The following MED13L variants were observed in gnomAD, a reference collection of about 807,000 sequenced individuals.
MED13L encodes mediator complex subunit 13L, also known as mediator of RNA polymerase II transcription subunit 13-like.
A neutral mutation model predicts 220.9 loss-of-function variants in MED13L; 7 were observed. The ratio of observed to expected loss-of-function variants is 0.03; its 90% CI spans 0.02 to 0.06. The LOEUF is 0.06. Ranked by LOEUF, MED13L falls within the 10% of genes least tolerant of loss-of-function variation. The probability of loss-of-function intolerance (pLI) is 1.00; values close to 1 mark genes in which losing one functional copy is unlikely to be tolerated. For missense variants in MED13L, 1,965 were observed against 2,760.5 expected (o/e 0.71, Z 6.46); for synonymous variants, 1,011 against 1,015.2 (o/e 1.00, Z 0.08).
chr12:116,184,300 G>C (rs1880736416), intron 2 of MED13L, among the ~76,000 whole-genome samples: 1 of 151,976 alleles, frequency 6.6e-6, no homozygotes, highest in Admixed American at 6.6e-5. Context: ...GAAAGCAGAA[G>C]TAAACTAGCA....
At chr12:116,064,498 G>C (rs1015623546) in intron 4 of MED13L, among the ~76,000 whole-genome samples, 1 of 152,106 alleles carries the variant, frequency 6.6e-6, no homozygotes, top group Admixed American at 6.5e-5. Context: ...AAGTTTCTCT[G>C]TTCCTAAAAA....
intron 2 of MED13L, among the ~76,000 whole-genome samples, chr12:116,182,229 C>T (rs1880577931): frequency 6.6e-6 from 1 of 152,172 alleles, no homozygotes; most frequent in Non-Finnish European, 1.5e-5. Flanking sequence ...AACCCAAACC[C>T]ATTCAAACTG....
chr12:116,271,232 C>T (rs2138592560), intron 1 of MED13L, among the ~76,000 whole-genome samples: 1 of 151,700 alleles, frequency 6.6e-6, no homozygotes, highest in South Asian at 2.1e-4. Context: ...AGTGTGTGCG[C>T]TAGAATACTA....
intron 16 of MED13L, among the ~76,000 whole-genome samples, chr12:115,996,152 G>C (rs542013224): frequency 6.6e-6 from 1 of 151,860 alleles, no homozygotes. Flanking sequence ...GGGCAGTGGC[G>C]CGATCTTGGC....
intron 4 of MED13L, among the ~76,000 whole-genome samples, chr12:116,073,804 C>T (rs556777959): frequency 6.0e-4 from 92 of 152,242 alleles, no homozygotes; most frequent in Non-Finnish European, 1.1e-3. Context: ...TATTATCTTC[C>T]GTTTCCTAAA....
intron 4 of MED13L, among the ~76,000 whole-genome samples, chr12:116,060,706 A>T (rs977737946): frequency 1.3e-5 from 2 of 152,226 alleles, no homozygotes; most frequent in African/African-American, 4.8e-5. Context: ...AAATTGGAGA[A>T]ATATTTTAAG....
rs79543338 is a variant in MED13L at position 116,206,855 on chromosome 12, C to T, written c.310+30613G>A. On this transcript the variant is annotated intron_variant, in intron 2 of 30. Coordinates refer to ENST00000281928, the MANE Select transcript of MED13L (RefSeq NM_015335.5). ...TTGTAGATTTGACTTTGGAACTACACTTCATAATTATAAAATGATTAACTT... is the reference window on the plus strand; with the variant it reads ...TTGTAGATTTGACTTTGGAACTACATTTCATAATTATAAAATGATTAACTT... 4.6e-5 allele frequency among the ~76,000 whole-genome samples: 7 copies of T among 152,260 alleles called. No homozygotes were observed. In the East Asian group the frequency reaches 1.3e-3, roughly 29 times the overall value.
At chr12:116,083,464 G>C (rs1871376796) in intron 4 of MED13L, among the ~76,000 whole-genome samples, 1 of 150,998 alleles carries the variant, frequency 6.6e-6, no homozygotes. Context: ...CCCTACTCAG[G>C]GTTTAGAAAC....
chr12:116,073,780 A>G (rs1870571051), intron 4 of MED13L, among the ~76,000 whole-genome samples: 2 of 152,198 alleles, frequency 1.3e-5, no homozygotes, highest in Admixed American at 1.3e-4. Context: ...TTACACCTCT[A>G]GTAGGAGGGA....
chr12:116,060,028 C>T (rs1566036227), intron 4 of MED13L, among the ~76,000 whole-genome samples: 1 of 151,872 alleles, frequency 6.6e-6, no homozygotes, highest in Non-Finnish European at 1.5e-5. Context: ...CACTGCAGGG[C>T]AAAAAAACCC....
At position 115,986,259 on chromosome 12, in the gene MED13L, T is replaced by G. The variant is rs1198459712; in HGVS notation, c.4338+7A>C. 7 of 1,612,944 alleles carry G rather than the reference T, an allele frequency of 4.3e-6. No homozygotes were observed. Among genetic ancestry groups the G allele is most frequent in the Non-Finnish European group, 5.9e-6 (7 of 1,179,080 alleles). ...ATAAAAAGCAATTTTCACAGTAACT[T>G]CCTCACCTCGTATACAGCACTCAAG... On this transcript the variant is annotated splice_region_variant and intron_variant, in intron 19 of 30. Transcript: ENST00000281928.
At chr12:116,090,084 A>C (rs1872058567) in intron 4 of MED13L, among the ~76,000 whole-genome samples, 1 of 152,216 alleles carries the variant, frequency 6.6e-6, no homozygotes, top group Non-Finnish European at 1.5e-5. Flanking sequence ...ACAACATCCT[A>C]AATGAGGCTG....
intron 4 of MED13L, among the ~76,000 whole-genome samples, chr12:116,034,778 G>A (rs952064951): frequency 1.3e-5 from 2 of 152,218 alleles, no homozygotes; most frequent in African/African-American, 2.4e-5. Flanking sequence ...GGCCAAGGTG[G>A]GTAGATCACC....
At chr12:116,258,979 C>T (rs758187976) in intron 1 of MED13L, among the ~76,000 whole-genome samples, 1 of 144,794 alleles carries the variant, frequency 6.9e-6, no homozygotes, top group East Asian at 2.0e-4. Flanking sequence ...CAGGCAGGGA[C>T]AGAAAAAAAT....
In MED13L at chr12:115,962,199, C is replaced by T. The variant is rs556729322; in HGVS notation, c.6501-801G>A. Among the ~76,000 whole-genome samples the T allele has an allele frequency of 7.9e-5, 12 of 152,290 alleles. No homozygotes were observed. In the South Asian group the frequency reaches 2.5e-3, roughly 32 times the overall value. ...GACAGTGTTCCTCTAGGGCAGCAGT[C>T]TCCAACCTTTTTTGGCACCAGGGAC... On this transcript the variant is annotated intron_variant, in intron 30 of 30. Transcript: ENST00000281928.
intron 2 of MED13L, among the ~76,000 whole-genome samples, chr12:116,188,215 T>C (rs554307572): frequency 1.3e-5 from 2 of 152,296 alleles, no homozygotes; most frequent in South Asian, 2.1e-4. Context: ...GTTAACTATA[T>C]TATGGCTAAC....
chr12:116,144,826 T>C (rs1877347649), intron 2 of MED13L, among the ~76,000 whole-genome samples: 1 of 152,224 alleles, frequency 6.6e-6, no homozygotes, highest in Non-Finnish European at 1.5e-5. Context: ...TACATTACCG[T>C]ATCTAAGGAA....
intron 4 of MED13L, among the ~76,000 whole-genome samples, chr12:116,058,969 A>C (rs1189240742): frequency 6.6e-6 from 1 of 152,242 alleles, no homozygotes; most frequent in African/African-American, 2.4e-5. Context: ...TACTGTGCTT[A>C]AGAAAAACAC....
At chr12:116,037,100 A>T (rs1881237575) in intron 4 of MED13L, among the ~76,000 whole-genome samples, 1 of 152,212 alleles carries the variant, frequency 6.6e-6, no homozygotes, top group Non-Finnish European at 1.5e-5. Flanking sequence ...TCTATGAATA[A>T]TCACCCTCCT....
Sources: gnomAD v4.1 joint callset for allele counts (sites outside exome capture counted in the v4.1 genomes callset) on GRCh38, gnomAD v4.1.1 for gene constraint, MANE v1.5 for transcripts, NCBI Gene and HGNC (gene_info 2026-07-23, HGNC 2026-07-21) for gene names.